The following CUL5 variants were observed in gnomAD, a reference collection of about 807,000 sequenced individuals.
CUL5 encodes cullin-5.
CUL5 carries 26 observed loss-of-function variants against 108.8 expected under a neutral mutation model. The ratio of observed to expected loss-of-function variants is 0.24; its 90% CI spans 0.18 to 0.33. CUL5 has a LOEUF of 0.33. CUL5 is among the 10% of genes least tolerant of loss of function. The pLI is 1.00. For missense variants in CUL5, 524 were observed against 909.2 expected, an observed-to-expected ratio of 0.58 and a Z score of 5.45; for synonymous variants, 334 against 298.0, an observed-to-expected ratio of 1.12 and a Z score of -1.25.
rs888439668 is a variant in CUL5 at position 108,098,629 on chromosome 11, G to A, written c.2148+100G>A. On this transcript the variant is annotated intron_variant, in intron 18 of 18. Coordinates refer to ENST00000393094, the MANE Select transcript of CUL5 (RefSeq NM_003478.6). ...CTTTTTTGAATTTAAAAGCATGTAGGGGCTAAGTGCAGTGGCCCACACATA... is the reference window on the plus strand; with the variant it reads ...CTTTTTTGAATTTAAAAGCATGTAGAGGCTAAGTGCAGTGGCCCACACATA... The A allele has an allele frequency of 5.0e-6, 5 of 1,001,378 alleles. No individual in the cohort carries two copies. The East Asian group carries it at 1.3e-4, about 26-fold the overall frequency. The allele number at this position is 1,001,378 out of a possible 1,614,324, so 62.0% of individuals were successfully genotyped here.
intron 1 of CUL5, among the ~76,000 whole-genome samples, chr11:108,015,326 A>G (rs1485225689): frequency 6.6e-6 from 1 of 152,236 alleles, no homozygotes; most frequent in Non-Finnish European, 1.5e-5. Context: ...AGCCAGTGTG[A>G]AAGCACAGAG....
At chr11:108,068,351 C>T (rs1863741234) in intron 7 of CUL5, among the ~76,000 whole-genome samples, 1 of 151,848 alleles carries the variant, frequency 6.6e-6, no homozygotes, top group Admixed American at 6.6e-5. Context: ...GACAGTCTTG[C>T]TCTGTCGCCC....
chr11:108,077,859 G>C (rs1004403532), intron 10 of CUL5, among the ~76,000 whole-genome samples: 36 of 152,130 alleles, frequency 2.4e-4, no homozygotes, highest in Non-Finnish European at 3.8e-4. Flanking sequence ...TAAGACAGGA[G>C]AATCACTTGA....
At chr11:108,075,379 C>T (rs1223871773) in intron 10 of CUL5, among the ~76,000 whole-genome samples, 1 of 152,114 alleles carries the variant, frequency 6.6e-6, no homozygotes, top group Admixed American at 6.5e-5. Context: ...CTGCCACTTG[C>T]ATAGGCAACA....
intron 2 of CUL5, among the ~76,000 whole-genome samples, chr11:108,035,316 T>C (rs576080831): frequency 6.6e-6 from 1 of 152,332 alleles, no homozygotes; most frequent in East Asian, 1.9e-4. Context: ...CAGCTTGATT[T>C]TGGATAGTCC....
intron 1 of CUL5, among the ~76,000 whole-genome samples, chr11:108,009,986 G>T (rs760981487): frequency 6.6e-6 from 1 of 152,198 alleles, no homozygotes; most frequent in Non-Finnish European, 1.5e-5. Flanking sequence ...GACACAACCA[G>T]ATGACAACTG....
chr11:108,035,097 C>A (rs976260929), intron 2 of CUL5, among the ~76,000 whole-genome samples: 5 of 152,110 alleles, frequency 3.3e-5, no homozygotes, highest in African/African-American at 1.2e-4. Flanking sequence ...GTTATTAAAT[C>A]TGTTGTTGCA....
At chr11:108,055,674 A>G (rs1478114693) in intron 7 of CUL5, among the ~76,000 whole-genome samples, 2 of 151,710 alleles carry the variant, frequency 1.3e-5, no homozygotes, top group Non-Finnish European at 2.9e-5. Context: ...TCTGTTGCCC[A>G]GGCTGGAGTG....
rs1864745806 is a variant in CUL5, at chr11:108,104,575, GCA to G, written c.*195_*196del. On this transcript the variant is annotated 3_prime_UTR_variant, in exon 19 of 19. Coordinates refer to ENST00000393094, the MANE Select transcript of CUL5 (RefSeq NM_003478.6). ...AGCATGATGGCATTCCCTTCATGTT[GCA>G]CACTCTTTGACAGCATGCTGTTTTG... is the stretch of plus-strand genomic sequence containing the variant. 1 of 441,834 alleles carries G rather than the reference GCA, an allele frequency of 2.3e-6. No individual in the cohort carries two copies. Among genetic ancestry groups the G allele is most frequent in the South Asian group, 4.7e-5 (1 of 21,462 alleles). The allele number at this position is 441,834 out of a possible 1,614,324, so 27.4% of individuals were successfully genotyped here.
chr11:108,048,250 A>C (rs2135124273), intron 3 of CUL5, among the ~76,000 whole-genome samples: 1 of 151,914 alleles, frequency 6.6e-6, no homozygotes, highest in South Asian at 2.1e-4. Context: ...TTTTTAAAGA[A>C]CAAAAAAAAA....
In CUL5 at chr11:108,089,372, T is replaced by C. The variant is rs1334683297; in HGVS notation, c.1312-120T>C. 1.3e-5 allele frequency: 8 copies of C among 613,680 alleles called. No individual in the cohort carries two copies. In the African/African-American group the frequency reaches 1.4e-4, roughly 10 times the overall value. The allele number at this position is 613,680 out of a possible 1,614,324, so 38.0% of individuals were successfully genotyped here. ...TCAGAGATGGATAATTCAGTAGGCC[T>C]CTATCTGTATATGCTCATAAAAGTT... On this transcript the variant is annotated intron_variant, in intron 12 of 18. Transcript: ENST00000393094.
Position 108,105,284 on chromosome 11 carries a change from A to G in CUL5, c.*900A>G, listed in dbSNP as rs1864767308. The stretch of plus-strand genomic sequence containing the variant: ...ATATACCTAATATTTATTATGCCAT[A>G]TCTGAATTTATTAAAAACAACACAG... On this transcript the variant is annotated 3_prime_UTR_variant, in exon 19 of 19. Transcript: ENST00000393094. The G allele has an allele frequency of 6.6e-6, 1 of 152,232 alleles. No homozygotes were observed. The highest frequency in any genetic ancestry group is 2.1e-4 in the South Asian group (1 of 4,836). 9.4% of individuals were successfully genotyped at this position (152,232 alleles called of 1,614,324 possible).
chr11:108,100,580 C>G (rs1002682470), intron 18 of CUL5, among the ~76,000 whole-genome samples: 3 of 151,976 alleles, frequency 2.0e-5, no homozygotes, highest in African/African-American at 7.3e-5. Flanking sequence ...AAACCTTACT[C>G]TGTAAGTATA....
intron 8 of CUL5, 56 bp from the exon 9 acceptor site, chr11:108,072,276 C>T: frequency 7.2e-7 from 1 of 1,396,370 alleles, no homozygotes; most frequent in Non-Finnish European, 9.8e-7. Flanking sequence ...TAATGTTTCT[C>T]TAAACTCTTA....
At chr11:108,055,953 A>C (rs1863367350) in intron 7 of CUL5, among the ~76,000 whole-genome samples, 1 of 151,280 alleles carries the variant, frequency 6.6e-6, no homozygotes, top group Non-Finnish European at 1.5e-5. Context: ...TTTTTATTTT[A>C]TTTTTCATAG....
chr11:108,012,879 G>C (rs1862089033), intron 1 of CUL5, among the ~76,000 whole-genome samples: 2 of 152,160 alleles, frequency 1.3e-5, no homozygotes, highest in South Asian at 2.1e-4. Flanking sequence ...TTACAGGCGT[G>C]AGCCACTGCA....
rs1175937075 is a variant in CUL5, at chr11:108,106,011, T to TA, written c.*1628dup. On this transcript the variant is annotated 3_prime_UTR_variant, in exon 19 of 19. Coordinates refer to ENST00000393094, the MANE Select transcript of CUL5 (RefSeq NM_003478.6). ...ATAGCCAAATGCCTGTTCTGAAACTTATAGGAAATTGGAATTTTGTTTAAA... is the reference window on the plus strand; with the variant it reads ...ATAGCCAAATGCCTGTTCTGAAACTTAATAGGAAATTGGAATTTTGTTTAAA... 6.6e-6 allele frequency: 1 copy of TA among 152,138 alleles called. No homozygotes were observed. The highest frequency in any genetic ancestry group is 1.5e-5 in the Non-Finnish European group (1 of 67,994). The allele number at this position is 152,138 out of a possible 1,614,324, so 9.4% of individuals were successfully genotyped here. A position where few individuals can be genotyped will look rare whatever the true frequency, so the allele number is the denominator to read the frequency against.
intron 17 of CUL5, 31 bp from the exon 18 acceptor site, chr11:108,098,375 C>A: frequency 1.3e-6 from 2 of 1,570,158 alleles, no homozygotes; most frequent in Non-Finnish European, 1.7e-6. Flanking sequence ...TGTTTTTCAC[C>A]ATAAAATACT....
intron 13 of CUL5, 91 bp from the exon 14 acceptor site, chr11:108,094,300 T>C: frequency 2.1e-6 from 2 of 964,484 alleles, no homozygotes; most frequent in Non-Finnish European, 3.0e-6. Context: ...TATTAAAACA[T>C]TTAAGACTTA....
Sources: gnomAD v4.1 joint callset for allele counts (sites outside exome capture counted in the v4.1 genomes callset) on GRCh38, gnomAD v4.1.1 for gene constraint, MANE v1.5 for transcripts, NCBI Gene and HGNC (gene_info 2026-07-23, HGNC 2026-07-21) for gene names.